FBXL13: variants seen among roughly 807,000 people sequenced by gnomAD.
FBXL13 encodes the protein F-box and leucine-rich repeat protein 13.
A neutral mutation model predicts 83.6 loss-of-function variants in FBXL13; 67 were observed. The observed-to-expected ratio is 0.80, with a 90% CI of 0.66 to 0.98. FBXL13 has a LOEUF of 0.98. Ranked by LOEUF, FBXL13 falls within the 50% of genes least tolerant of loss-of-function variation. The probability of loss-of-function intolerance (pLI) is 0.00; values close to 1 mark genes in which losing one functional copy is unlikely to be tolerated. For missense variants in FBXL13, 822 were observed against 866.5 expected (o/e 0.95, Z 0.64); for synonymous variants, 272 against 299.5 (o/e 0.91, Z 0.95).
rs1316193889 is a variant in FBXL13, at chr7:102,961,569, T to C, written c.724+1964A>G. On this transcript the variant is annotated intron_variant, in intron 8 of 19. Coordinates refer to ENST00000313221, the Ensembl canonical transcript of FBXL13. ...AAGAACAAAGCTGGAGGCATCACAC[T>C]ACCTGACTTCAAACTATACTACAAG... is the stretch of plus-strand genomic sequence containing the variant. 6.0e-5 allele frequency among the ~76,000 whole-genome samples: 9 copies of C among 148,878 alleles called. No individual in the cohort carries two copies. In the Admixed American group the frequency reaches 6.0e-4, roughly 10 times the overall value.
chr7:102,925,538 G>A (rs2129471822), intron 10 of FBXL13, among the ~76,000 whole-genome samples: 1 of 152,314 alleles, frequency 6.6e-6, no homozygotes, highest in African/African-American at 2.4e-5. Flanking sequence ...AAAACAAGCA[G>A]TGTCAAGCTC....
intron 8 of FBXL13, among the ~76,000 whole-genome samples, chr7:102,959,455 CAAAAT>C (rs1056759822): frequency 4.0e-5 from 6 of 151,324 alleles, no homozygotes; most frequent in Non-Finnish European, 7.4e-5. Context: ...GAAATTATTT[CAAAAT>C]AAAAGGTAAA....
At chr7:102,938,690 T>G (rs1315614315) in intron 8 of FBXL13, among the ~76,000 whole-genome samples, 2 of 152,254 alleles carry the variant, frequency 1.3e-5, no homozygotes, top group Non-Finnish European at 2.9e-5. Flanking sequence ...ATTTATATAC[T>G]CTTTATCAAA....
chr7:102,820,485 T>A (rs1798651964), intron 19 of FBXL13, among the ~76,000 whole-genome samples: 1 of 152,220 alleles, frequency 6.6e-6, no homozygotes, highest in African/African-American at 2.4e-5. Context: ...GTATATTTTT[T>A]AAATCTAGGG....
intron 2 of FBXL13, among the ~76,000 whole-genome samples, chr7:103,041,568 C>T (rs967639761): frequency 4.6e-5 from 7 of 152,102 alleles, no homozygotes; most frequent in African/African-American, 1.7e-4. Flanking sequence ...ATGTGAAAAT[C>T]CTTAATAAAA....
At chr7:102,938,399 A>G (rs1428732037) in intron 8 of FBXL13, among the ~76,000 whole-genome samples, 3 of 152,336 alleles carry the variant, frequency 2.0e-5, no homozygotes, top group East Asian at 3.9e-4. Flanking sequence ...TCTTACTGCT[A>G]CAAGCTTTCA....
intron 10 of FBXL13, among the ~76,000 whole-genome samples, chr7:102,921,034 C>G (rs1408031723): frequency 6.6e-6 from 1 of 151,998 alleles, no homozygotes; most frequent in Non-Finnish European, 1.5e-5. Context: ...CACCTGTAAT[C>G]CCAGCTACTC....
intron 1 of FBXL13, among the ~76,000 whole-genome samples, chr7:103,057,502 A>G (rs1797450580): frequency 6.6e-6 from 1 of 152,226 alleles, no homozygotes; most frequent in African/African-American, 2.4e-5. Flanking sequence ...AAAGAGATTG[A>G]GAAAATCCAC....
intron 16 of FBXL13, among the ~76,000 whole-genome samples, chr7:102,872,431 C>T (rs535191529): frequency 1.7e-4 from 26 of 152,212 alleles, no homozygotes; most frequent in African/African-American, 6.3e-4. Flanking sequence ...ACATAACAGG[C>T]GCTCAAGATC....
At chr7:102,820,723 A>G (rs1798690281) in intron 19 of FBXL13, among the ~76,000 whole-genome samples, 1 of 152,236 alleles carries the variant, frequency 6.6e-6, no homozygotes, top group African/African-American at 2.4e-5. Flanking sequence ...GGCAGGAAAG[A>G]AGGAGCCCTA....
intron 6 of FBXL13, among the ~76,000 whole-genome samples, chr7:103,022,247 G>T (rs1293462748): frequency 1.3e-5 from 2 of 151,620 alleles, no homozygotes; most frequent in Admixed American, 6.6e-5. Context: ...ACCAAACACC[G>T]CATGTTCTTA....
At chr7:102,894,247 G>A (rs1811977790) in intron 11 of FBXL13, among the ~76,000 whole-genome samples, 1 of 152,142 alleles carries the variant, frequency 6.6e-6, no homozygotes, top group South Asian at 2.1e-4. Flanking sequence ...AATGACCTTG[G>A]AATCTTCCAG....
At chr7:103,056,681 C>A (rs1193660914) in intron 1 of FBXL13, among the ~76,000 whole-genome samples, 1 of 152,196 alleles carries the variant, frequency 6.6e-6, no homozygotes, top group African/African-American at 2.4e-5. Context: ...TGGTCTTGAA[C>A]TCCTGACCTC....
chr7:102,926,584 T>C (rs562697128), intron 9 of FBXL13, among the ~76,000 whole-genome samples: 1 of 152,338 alleles, frequency 6.6e-6, no homozygotes, highest in African/African-American at 2.4e-5. Flanking sequence ...CCTTTTCCCT[T>C]TCCTTGGAAA....
intron 9 of FBXL13, 91 bp downstream of exon 10, chr7:102,931,790 T>A (rs1819224320): frequency 8.2e-7 from 1 of 1,220,406 alleles, no homozygotes; most frequent in South Asian, 1.5e-5. Context: ...GAATCCCAAA[T>A]AAGCACACAA....
At chr7:102,834,130 G>GA in intron 17 of FBXL13, among the ~76,000 whole-genome samples, 1 of 101,924 alleles carries the variant, frequency 9.8e-6, no homozygotes, top group African/African-American at 4.7e-5. Flanking sequence ...AAGAAAGAAA[G>GA]AAAGAAAGAA....
At chr7:102,879,603 G>T (rs534535926) in intron 14 of FBXL13, among the ~76,000 whole-genome samples, 60 of 152,044 alleles carry the variant, frequency 3.9e-4, no homozygotes, top group African/African-American at 1.1e-3. Context: ...CTGTTTTTTT[G>T]TTTGTTTGTT....
At chr7:102,862,328 CAAAA>C (rs111697845) in intron 16 of FBXL13, among the ~76,000 whole-genome samples, 10 of 96,810 alleles carry the variant, frequency 1.0e-4, no homozygotes, top group Non-Finnish European at 1.2e-4. Flanking sequence ...GAATCTGTCT[CAAAA>C]AAAAAAAAAA....
chr7:102,836,849 C>T (rs1044853487), intron 17 of FBXL13, among the ~76,000 whole-genome samples: 7 of 152,224 alleles, frequency 4.6e-5, no homozygotes, highest in African/African-American at 1.7e-4. Flanking sequence ...TGACAGGTGG[C>T]AGCTTCTAGC....
Sources: allele counts gnomAD v4.1 joint callset (sites outside exome capture counted in the v4.1 genomes callset), GRCh38; gene constraint gnomAD v4.1.1; transcripts MANE v1.5; gene names NCBI Gene and HGNC (gene_info 2026-07-23, HGNC 2026-07-21).